Variants in PPP1R21 observed in about 807,000 individuals in gnomAD.
The protein encoded by PPP1R21 is KLRAQ motif containing 1.
PPP1R21 carries 85 observed loss-of-function variants against 112.8 expected under a neutral mutation model. The observed-to-expected ratio is 0.75, with a 90% confidence interval of 0.63 to 0.90. PPP1R21 has a LOEUF of 0.90. PPP1R21 is among the 40% of genes least tolerant of loss of function. The pLI, the probability that PPP1R21 is intolerant of heterozygous loss-of-function variation, is 0.00. For missense variants in PPP1R21, 1,199 were observed against 901.5 expected (o/e 1.33, Z -4.23); for synonymous variants, 381 against 322.3 (o/e 1.18, Z -1.95).
At chr2:48,478,725 G>C (rs1013936652) in intron 12 of PPP1R21, among the ~76,000 whole-genome samples, 6 of 152,106 alleles carry the variant, frequency 3.9e-5, no homozygotes, top group African/African-American at 9.7e-5. Flanking sequence ...TCTGTTTCCT[G>C]TTCTCTCTGG....
At chr2:48,496,044 G>A (rs6545042) in intron 16 of PPP1R21, among the ~76,000 whole-genome samples, 146,195 of 152,246 alleles carry the variant, frequency 0.96, 70,466 homozygotes, top group Middle Eastern at 0.99. Flanking sequence ...CTTTTTAGGT[G>A]CTAGATTTAA....
intron 4 of PPP1R21, 152 bp downstream of exon 4, chr2:48,458,379 T>C (rs539953331): frequency 3.8e-6 from 2 of 531,282 alleles, no homozygotes; most frequent in African/African-American, 3.8e-5. Flanking sequence ...CACTTATTCA[T>C]TTCTTAAATA....
At chr2:48,469,295 GTATGTATA>G (rs1558456107) in intron 9 of PPP1R21, among the ~76,000 whole-genome samples, 183 of 15,968 alleles carry the variant, frequency 0.011, 1 homozygote, top group Non-Finnish European at 0.025. Context: ...GTGTGTGTGT[GTATGTATA>G]TATATACACA....
intron 9 of PPP1R21, among the ~76,000 whole-genome samples, chr2:48,468,512 A>G (rs1002006737): frequency 1.6e-4 from 25 of 152,152 alleles, no homozygotes; most frequent in African/African-American, 5.8e-4. Context: ...ACTTCCTGTA[A>G]TATTAAAAAA....
chr2:48,452,012 C>G (rs987929253), intron 2 of PPP1R21, among the ~76,000 whole-genome samples: 2 of 152,120 alleles, frequency 1.3e-5, no homozygotes, highest in African/African-American at 4.8e-5. Flanking sequence ...TTCTGAACAC[C>G]CCACCCATAC....
chr2:48,453,048 G>A (rs1042391870), intron 2 of PPP1R21, among the ~76,000 whole-genome samples: 1 of 151,312 alleles, frequency 6.6e-6, no homozygotes, highest in Admixed American at 6.6e-5. Context: ...CTGCCTCCCT[G>A]GTTTGAGTGA....
At position 48,460,081 on chromosome 2, in the gene PPP1R21, C is replaced by A. The variant is rs780078782; in HGVS notation, c.541-14C>A. 1 of 1,613,924 alleles carries A rather than the reference C, an allele frequency of 6.2e-7. No homozygotes were observed. Among genetic ancestry groups the A allele is most frequent in the Non-Finnish European group, 8.5e-7 (1 of 1,179,922 alleles). On this transcript the variant is annotated splice_polypyrimidine_tract_variant and intron_variant, in intron 5 of 21. Coordinates refer to ENST00000294952, the MANE Select transcript of PPP1R21 (RefSeq NM_001135629.3). ...GCCTGAGCCATCTGTGTTTCTTTTT[C>A]TTCTGAAATTCAGGTGAAATCTCAG...
At chr2:48,483,732 G>T (rs950509432) in intron 13 of PPP1R21, among the ~76,000 whole-genome samples, 2 of 152,128 alleles carry the variant, frequency 1.3e-5, no homozygotes, top group Non-Finnish European at 2.9e-5. Context: ...GAGGTACCGC[G>T]CCTGGCCAAG....
chr2:48,471,511 A>G, intron 11 of PPP1R21, 144 bp downstream of exon 11: 1 of 774,786 alleles, frequency 1.3e-6, no homozygotes, highest in Admixed American at 3.2e-5. Context: ...GTGAAAAAGG[A>G]AAAGCATGGT....
At chr2:48,512,961 C>T (rs967529456) in intron 21 of PPP1R21, among the ~76,000 whole-genome samples, 16 of 152,018 alleles carry the variant, frequency 1.1e-4, no homozygotes, top group African/African-American at 2.9e-4. Flanking sequence ...TTGAAGAGGT[C>T]GTGTTTTGGG....
At chr2:48,485,112 A>T (rs538655494) in intron 13 of PPP1R21, among the ~76,000 whole-genome samples, 44 of 152,212 alleles carry the variant, frequency 2.9e-4, no homozygotes, top group African/African-American at 9.6e-4. Flanking sequence ...AGCAGTATGG[A>T]GATTTCTCTC....
chr2:48,502,304 C>T (rs1245430966), intron 17 of PPP1R21, among the ~76,000 whole-genome samples: 2 of 152,094 alleles, frequency 1.3e-5, no homozygotes, highest in Middle Eastern at 3.2e-3. Context: ...GGGTCACAGC[C>T]AGCACTCCTA....
At position 48,447,409 on chromosome 2, in the gene PPP1R21, G is replaced by A. The variant is rs552239670; in HGVS notation, c.58-3599G>A. Reference sequence around the variant, plus strand: ...AGAGGTACTCTTCCCCCACTGAATGGAACAGAAGAGCTTGGTGCACAGCTG... The same window carrying A: ...AGAGGTACTCTTCCCCCACTGAATGAAACAGAAGAGCTTGGTGCACAGCTG... On this transcript the variant is annotated intron_variant, in intron 1 of 21. Transcript: ENST00000294952. 1.6e-4 allele frequency among the ~76,000 whole-genome samples: 24 copies of A among 152,298 alleles called. No individual in the cohort carries two copies. In the South Asian group the frequency reaches 4.4e-3, roughly 28 times the overall value.
At chr2:48,466,768 G>C (rs1668223247) in intron 9 of PPP1R21, among the ~76,000 whole-genome samples, 1 of 152,170 alleles carries the variant, frequency 6.6e-6, no homozygotes. Flanking sequence ...CATAGGGAGT[G>C]TGGGGGTTGG....
At chr2:48,452,730 T>A (rs1407524295) in intron 2 of PPP1R21, among the ~76,000 whole-genome samples, 1 of 151,996 alleles carries the variant, frequency 6.6e-6, no homozygotes, top group Non-Finnish European at 1.5e-5. Flanking sequence ...GCTCATTGAT[T>A]TGAATTTTTA....
chr2:48,461,279 C>T (rs1371587635), intron 7 of PPP1R21, 47 bp downstream of exon 7: 7 of 1,472,232 alleles, frequency 4.8e-6, no homozygotes, highest in Non-Finnish European at 5.4e-6. Context: ...TTGAATCTCT[C>T]TGTGGTAGCC....
intron 1 of PPP1R21, among the ~76,000 whole-genome samples, chr2:48,442,138 A>G (rs1003978765): frequency 3.3e-5 from 5 of 152,208 alleles, no homozygotes; most frequent in African/African-American, 1.2e-4. Flanking sequence ...AGTGATGGCA[A>G]GTGTTCATCT....
intron 21 of PPP1R21, 50 bp downstream of exon 21, chr2:48,511,518 G>T: frequency 2.5e-6 from 4 of 1,590,954 alleles, no homozygotes; most frequent in South Asian, 1.1e-5. Flanking sequence ...TATTTAATGT[G>T]AGGTATTTTA....
Position 48,454,758 on chromosome 2 carries a change from G to C in PPP1R21, c.273+17G>C. ...AAAAACAAGGTAGGTTCAAATACAG[G>C]CAAGTTAGTGTGACCTTGTCGTTAG... On this transcript the variant is annotated intron_variant, in intron 3 of 21. Coordinates refer to ENST00000294952, the MANE Select transcript of PPP1R21 (RefSeq NM_001135629.3). The C allele has an allele frequency of 6.2e-7, 1 of 1,604,666 alleles. No homozygotes were observed. The highest frequency in any genetic ancestry group is 8.5e-7 in the Non-Finnish European group (1 of 1,171,446).
Sources: gnomAD v4.1 joint callset for allele counts (sites outside exome capture counted in the v4.1 genomes callset) on GRCh38, gnomAD v4.1.1 for gene constraint, MANE v1.5 for transcripts, NCBI Gene and HGNC (gene_info 2026-07-23, HGNC 2026-07-21) for gene names.